CLEC2L: variants seen among roughly 807,000 people sequenced by gnomAD.
The protein encoded by CLEC2L is C-type lectin domain family 2 member L.
In CLEC2L, 14 loss-of-function variants were observed where a neutral mutation model predicts 23.6. That is an observed-to-expected ratio of 0.59 (90% confidence interval 0.39 to 0.93). The LOEUF (loss-of-function observed/expected upper bound fraction) is 0.93, where lower values mean the gene tolerates loss of function less well. Among genes scored for constraint, CLEC2L ranks in the 40% least tolerant of loss-of-function variants. The pLI is 0.00. For synonymous variants in CLEC2L, 114 were observed against 121.3 expected, an observed-to-expected ratio of 0.94 and a Z score of 0.40; for missense variants, 264 against 282.4, an observed-to-expected ratio of 0.93 and a Z score of 0.47.
At position 139,540,400 on chromosome 7, in the gene CLEC2L, C is replaced by T. The variant is rs777520860; in HGVS notation, c.345C>T (p.Ser115=). The T allele has an allele frequency of 6.2e-6, 10 of 1,609,570 alleles. No individual in the cohort carries two copies. The South Asian group carries it at 6.7e-5, about 11-fold the overall frequency. ...ACGGAAGGAAGTGCTACTTCTTTTC[C>T]GAGGAACCCAGAGACTGGAACACAG... is the stretch of plus-strand genomic sequence containing the variant. ...LLYGRKCYFF[S]EEPRDWNTGR... Residue 115 remains serine (S), a synonymous_variant, in exon 3 of 5, where the codon TCC becomes TCT. Coordinates refer to ENST00000422142, the MANE Select transcript of CLEC2L (RefSeq NM_001080511.4). The surrounding 1 kb of genome is among the most constrained non-coding windows in gnomAD (Gnocchi z 5.8).
At chr7:139,525,242 C>G (rs28417427) in intron 1 of CLEC2L, among the ~76,000 whole-genome samples, 19,848 of 148,296 alleles carry the variant, frequency 0.13, 3,087 homozygotes, top group African/African-American at 0.38. Flanking sequence ...GGGTGGGACC[C>G]AGGCTCGAGG....
chr7:139,544,353 GC>G lies in CLEC2L; in HGVS notation c.*13del. 2 of 1,574,960 alleles carry G rather than the reference GC, an allele frequency of 1.3e-6. No individual in the cohort carries two copies. Among genetic ancestry groups the G allele is most frequent in the Non-Finnish European group, 1.7e-6 (2 of 1,149,666 alleles). On this transcript the variant is annotated 3_prime_UTR_variant, in exon 5 of 5. Coordinates refer to ENST00000422142, the MANE Select transcript of CLEC2L (RefSeq NM_001080511.4). ...ATGGCCTATACTTGAGGTGGGTGGG[GC>G]CAGAGGTGGCCCCGCCCCTAGGCCT...
In CLEC2L at chr7:139,540,607, G is replaced by A. The variant is rs73156830; in HGVS notation, c.432+120G>A. The A allele has an allele frequency of 0.016, 19,178 of 1,178,252 alleles. 186 individuals carry two copies. Among genetic ancestry groups the A allele is most frequent in the Middle Eastern group, 0.02 (73 of 3,568 alleles). 73.0% of individuals were successfully genotyped at this position (1,178,252 alleles called of 1,614,324 possible). ...TTCCCTGTGACACGTCTCCAAAGCC[G>A]CCCACCTGCTGCATAACCACTTGGG... is the stretch of plus-strand genomic sequence containing the variant. On this transcript the variant is annotated intron_variant, in intron 3 of 4. Coordinates refer to ENST00000422142, the MANE Select transcript of CLEC2L (RefSeq NM_001080511.4). This position sits in a 1 kb window ranked among gnomAD's most constrained non-coding sequence, Gnocchi z 5.8.
At chr7:139,532,002 T>G (rs771342764) in intron 1 of CLEC2L, among the ~76,000 whole-genome samples, 2 of 151,756 alleles carry the variant, frequency 1.3e-5, no homozygotes, top group Non-Finnish European at 2.9e-5. Context: ...GTAGATGAAA[T>G]AGACCAAACC....
At chr7:139,543,759 G>A (rs757034340) in intron 4 of CLEC2L, among the ~76,000 whole-genome samples, 2 of 152,182 alleles carry the variant, frequency 1.3e-5, no homozygotes, top group Admixed American at 6.5e-5. Flanking sequence ...TCAACTCTGC[G>A]CACTGCAGGG....
chr7:139,542,015 G>T lies in CLEC2L; in HGVS notation c.433-6G>T, dbSNP rs1797741967. 1 of 1,604,708 alleles carries T rather than the reference G, an allele frequency of 6.2e-7. No individual in the cohort carries two copies. The highest frequency in any genetic ancestry group is 1.3e-5 in the African/African-American group (1 of 74,660). ...ACCCTGAGGTGTCCCTTTTTCCTCG[G>T]TGCAGGAATTTATGTTCAAGTTCAC... is the stretch of plus-strand genomic sequence containing the variant. On this transcript the variant is annotated splice_region_variant and splice_polypyrimidine_tract_variant and intron_variant, in intron 3 of 4. Coordinates refer to ENST00000422142, the MANE Select transcript of CLEC2L (RefSeq NM_001080511.4).
intron 1 of CLEC2L, among the ~76,000 whole-genome samples, chr7:139,525,392 C>G (rs1046631141): frequency 6.6e-6 from 1 of 152,144 alleles, no homozygotes; most frequent in Non-Finnish European, 1.5e-5. Flanking sequence ...AGGGGACGTG[C>G]ACTGTCCGAG....
intron 1 of CLEC2L, chr7:139,534,577 G>T (rs1388191968): frequency 2.7e-6 from 2 of 732,978 alleles, no homozygotes; most frequent in East Asian, 2.5e-5. Flanking sequence ...GCATTAGGGG[G>T]GTTGGGGGTG....
chr7:139,544,241 G>A lies in CLEC2L; in HGVS notation c.544G>A (p.Ala182Thr), dbSNP rs747244306. 1.6e-5 allele frequency: 25 copies of A among 1,612,474 alleles called. No homozygotes were observed. The highest frequency in any genetic ancestry group is 3.3e-4 in the Middle Eastern group (2 of 6,054). Residue 182 changes from alanine to threonine, a missense_variant, in exon 5 of 5, where the codon GCA becomes ACA. Transcript: ENST00000422142. ...CTCTCCTGGCCACAGGTTCACCATC[G>A]CAGGTCCAGGGGAGTGTGTCTTCGT... ...DPFDPDTFTI[A>T]GPGECVFVEP...
intron 1 of CLEC2L, among the ~76,000 whole-genome samples, chr7:139,528,893 A>C (rs1182471670): frequency 6.6e-6 from 1 of 152,208 alleles, no homozygotes; most frequent in Non-Finnish European, 1.5e-5. Context: ...CATAATGAAG[A>C]GGCACCTTGG....
chr7:139,534,727 G>A (rs562257824), intron 1 of CLEC2L, among the ~76,000 whole-genome samples: 26 of 151,914 alleles, frequency 1.7e-4, no homozygotes, highest in Non-Finnish European at 3.1e-4. Context: ...GGAAACCCCC[G>A]TTGCCCCCTC....
At chr7:139,528,477 C>T (rs1005153663) in intron 1 of CLEC2L, among the ~76,000 whole-genome samples, 2 of 152,192 alleles carry the variant, frequency 1.3e-5, no homozygotes, top group Non-Finnish European at 2.9e-5. Flanking sequence ...AGCAAAGACA[C>T]GTCTTACATG....
chr7:139,536,233 G>T (rs950632179), intron 1 of CLEC2L, 41 bp from the exon 2 acceptor site: 1 of 1,494,602 alleles, frequency 6.7e-7, no homozygotes, highest in Non-Finnish European at 9.1e-7. Context: ...ACTGGCGGTG[G>T]GATGGGCGGT....
intron 1 of CLEC2L, among the ~76,000 whole-genome samples, chr7:139,535,785 G>A (rs568421646): frequency 6.6e-6 from 1 of 152,320 alleles, no homozygotes; most frequent in Non-Finnish European, 1.5e-5. Flanking sequence ...TGTGAGGGCT[G>A]AACGGGTTAT....
At position 139,544,363 on chromosome 7, in the gene CLEC2L, G is replaced by A. The variant is rs2116332460; in HGVS notation, c.*21G>A. ...CTTGAGGTGGGTGGGGCCAGAGGTG[G>A]CCCCGCCCCTAGGCCTGTGGGAGGT... On this transcript the variant is annotated 3_prime_UTR_variant, in exon 5 of 5. Transcript: ENST00000422142. 2 of 1,540,874 alleles carry A rather than the reference G, an allele frequency of 1.3e-6. No individual in the cohort carries two copies. Among genetic ancestry groups the A allele is most frequent in the Non-Finnish European group, 1.8e-6 (2 of 1,122,322 alleles).
At position 139,539,954 on chromosome 7, in the gene CLEC2L, G is replaced by A. The variant is rs1168461915; in HGVS notation, c.266-367G>A. On this transcript the variant is annotated intron_variant, in intron 2 of 4. Coordinates refer to ENST00000422142, the MANE Select transcript of CLEC2L (RefSeq NM_001080511.4). The surrounding 1 kb of genome is among the most constrained non-coding windows in gnomAD (Gnocchi z 4.1). ...TAACATGGGCATGGTTAATGACAGC[G>A]GGCAGTCTGTCCTGCTGTTGGTACC... The A allele has an allele frequency of 8.9e-6, 2 of 225,788 alleles. No homozygotes were observed. Among genetic ancestry groups the A allele is most frequent in the African/African-American group, 2.3e-5 (1 of 43,718 alleles). The allele number at this position is 225,788 out of a possible 1,614,324, so 14.0% of individuals were successfully genotyped here.
intron 4 of CLEC2L, among the ~76,000 whole-genome samples, chr7:139,544,008 T>C (rs1197201584): frequency 6.6e-6 from 1 of 152,082 alleles, no homozygotes; most frequent in Non-Finnish European, 1.5e-5. Flanking sequence ...GTCCAGGAAA[T>C]GTCTCAGCAG....
At chr7:139,525,916 C>T (rs928083282) in intron 1 of CLEC2L, among the ~76,000 whole-genome samples, 1 of 152,180 alleles carries the variant, frequency 6.6e-6, no homozygotes, top group Admixed American at 6.5e-5. Context: ...GGCCCTGAGT[C>T]AAGCCCACTC....
rs113096912 is a variant in CLEC2L at position 139,534,193 on chromosome 7, G to A, written c.191-2081G>A. Reference sequence around the variant, plus strand: ...TAGTCTTTCCTCAGAAAGAACTACCGGTAGCAGCGGTGGTGTCGGCAGCGG... The same window carrying A: ...TAGTCTTTCCTCAGAAAGAACTACCAGTAGCAGCGGTGGTGTCGGCAGCGG... On this transcript the variant is annotated intron_variant, in intron 1 of 4. Coordinates refer to ENST00000422142, the MANE Select transcript of CLEC2L (RefSeq NM_001080511.4). The A allele has an allele frequency of 9.8e-4, 747 of 759,658 alleles. 5 individuals are homozygous for A. The African/African-American group carries it at 0.01, about 11-fold the overall frequency. 47.1% of individuals were successfully genotyped at this position (759,658 alleles called of 1,614,324 possible). A position where few individuals can be genotyped will look rare whatever the true frequency, so the allele number is the denominator to read the frequency against.
Sources: allele counts gnomAD v4.1 joint callset (sites outside exome capture counted in the v4.1 genomes callset), GRCh38; gene constraint gnomAD v4.1.1; non-coding constraint Gnocchi (gnomAD v3.1); transcripts MANE v1.5; gene names NCBI Gene and HGNC (gene_info 2026-07-23, HGNC 2026-07-21).